CHN2: variants seen among roughly 807,000 people sequenced by gnomAD.
The protein encoded by CHN2 is beta-chimaerin.
Under a neutral mutation model 56.3 loss-of-function variants are expected in CHN2, and 35 were observed. The ratio of observed to expected loss-of-function variants is 0.62; its 90% CI spans 0.47 to 0.82. The LOEUF (loss-of-function observed/expected upper bound fraction) is 0.82, where lower values mean the gene tolerates loss of function less well. CHN2 is among the 40% of genes least tolerant of loss of function. The pLI is 0.00. For missense variants in CHN2, 491 were observed against 580.5 expected, an observed-to-expected ratio of 0.85 and a Z score of 1.58; for synonymous variants, 210 against 212.8, an observed-to-expected ratio of 0.99 and a Z score of 0.12.
At chr7:29,418,693 T>A (rs996014090) in intron 6 of CHN2, among the ~76,000 whole-genome samples, 1 of 152,154 alleles carries the variant, frequency 6.6e-6, no homozygotes, top group Non-Finnish European at 1.5e-5. Context: ...CTAAGCTCAC[T>A]AAGATTCATT....
At chr7:29,227,293 G>C (rs1786282538) in intron 1 of CHN2, among the ~76,000 whole-genome samples, 1 of 152,158 alleles carries the variant, frequency 6.6e-6, no homozygotes, top group Admixed American at 6.5e-5. Context: ...TTCTGACTTA[G>C]AGTCACTTTC....
At chr7:29,488,629 T>C (rs1788304966) in intron 7 of CHN2, among the ~76,000 whole-genome samples, 1 of 152,176 alleles carries the variant, frequency 6.6e-6, no homozygotes, top group Admixed American at 6.5e-5. Context: ...AATGACAAAT[T>C]GAGGCAATAA....
At chr7:29,316,180 C>A (rs1794943030) in intron 1 of CHN2, among the ~76,000 whole-genome samples, 1 of 152,180 alleles carries the variant, frequency 6.6e-6, no homozygotes, top group South Asian at 2.1e-4. Context: ...CTTAAAGACC[C>A]TTCAGGATCT....
intron 1 of CHN2, among the ~76,000 whole-genome samples, chr7:29,350,101 A>T (rs887187973): frequency 1.2e-4 from 19 of 152,050 alleles, no homozygotes; most frequent in Non-Finnish European, 1.5e-5. Context: ...TGTTTTCTTG[A>T]TTTCAATATA....
At chr7:29,239,956 T>A (rs1787523155) in intron 1 of CHN2, among the ~76,000 whole-genome samples, 1 of 152,198 alleles carries the variant, frequency 6.6e-6, no homozygotes, top group African/African-American at 2.4e-5. Flanking sequence ...CATAATCTGC[T>A]AATTTTTAGA....
intron 6 of CHN2, among the ~76,000 whole-genome samples, chr7:29,454,607 C>T (rs573330080): frequency 3.9e-5 from 6 of 152,308 alleles, no homozygotes; most frequent in African/African-American, 1.4e-4. Context: ...ACCCATGTGA[C>T]ATGCCCAGTG....
chr7:29,366,176 A>C (rs1799142264), intron 2 of CHN2, among the ~76,000 whole-genome samples: 1 of 152,168 alleles, frequency 6.6e-6, no homozygotes, highest in East Asian at 1.9e-4. Context: ...ATCTGTAGGA[A>C]GTAAGATATA....
At chr7:29,495,007 A>G (rs1238121072) in intron 7 of CHN2, among the ~76,000 whole-genome samples, 5 of 138,978 alleles carry the variant, frequency 3.6e-5, no homozygotes, top group Non-Finnish European at 6.2e-5. Flanking sequence ...TTGTTAATAG[A>G]GGTTTATGAC....
chr7:29,306,519 A>G (rs886642175), intron 1 of CHN2, among the ~76,000 whole-genome samples: 2 of 152,178 alleles, frequency 1.3e-5, no homozygotes, highest in Non-Finnish European at 2.9e-5. Flanking sequence ...GAAGATGAGT[A>G]TAAACTGAGA....
At chr7:29,389,141 T>C (rs1257855312) in intron 3 of CHN2, among the ~76,000 whole-genome samples, 1 of 152,084 alleles carries the variant, frequency 6.6e-6, no homozygotes, top group Non-Finnish European at 1.5e-5. Flanking sequence ...GTGTTGGGAA[T>C]GTCTCTTCTA....
At chr7:29,241,291 G>A (rs773082200) in intron 1 of CHN2, among the ~76,000 whole-genome samples, 1 of 152,142 alleles carries the variant, frequency 6.6e-6, no homozygotes, top group Non-Finnish European at 1.5e-5. Context: ...GTTTTATTGG[G>A]TGAAAAGGAA....
chr7:29,170,655 A>G (rs1489508396), intron 2 of CHN2, among the ~76,000 whole-genome samples: 7 of 152,224 alleles, frequency 4.6e-5, no homozygotes, highest in Non-Finnish European at 1.0e-4. Context: ...TTTCTGTAAT[A>G]TCTAATCTCA....
intron 1 of CHN2, among the ~76,000 whole-genome samples, chr7:29,250,041 CACA>C (rs1336205531): frequency 2.0e-5 from 3 of 152,152 alleles, no homozygotes; most frequent in Non-Finnish European, 4.4e-5. Flanking sequence ...CCATATTTAG[CACA>C]ACATGTGATT....
intron 1 of CHN2, among the ~76,000 whole-genome samples, chr7:29,272,967 A>C (rs1790787473): frequency 6.6e-6 from 1 of 151,970 alleles, no homozygotes; most frequent in South Asian, 2.1e-4. Context: ...GGCTTAAAAA[A>C]GAAAATTTAC....
At chr7:29,183,588 G>T (rs1798340321) in intron 2 of CHN2, among the ~76,000 whole-genome samples, 1 of 151,864 alleles carries the variant, frequency 6.6e-6, no homozygotes, top group Non-Finnish European at 1.5e-5. Context: ...TGTTGGCCAG[G>T]CTGGTCTCAA....
intron 5 of CHN2, among the ~76,000 whole-genome samples, chr7:29,398,712 A>C (rs1801965322): frequency 6.6e-6 from 1 of 150,816 alleles, no homozygotes; most frequent in Admixed American, 6.6e-5. Context: ...CTCCCACCTT[A>C]GCCTCCTGAG....
upstream of CHN2, among the ~76,000 whole-genome samples, chr7:29,191,207 T>C (rs1011043714): frequency 5.9e-5 from 9 of 152,174 alleles, no homozygotes; most frequent in African/African-American, 1.9e-4. Context: ...ACTGGGATTA[T>C]AGGCATGAGC....
chr7:29,404,008 C>A (rs1189237357), intron 6 of CHN2, among the ~76,000 whole-genome samples: 1 of 152,188 alleles, frequency 6.6e-6, no homozygotes, highest in African/African-American at 2.4e-5. Context: ...GGGCAGGAAT[C>A]ACCATCCCCA....
intron 1 of CHN2, among the ~76,000 whole-genome samples, chr7:29,204,097 G>A (rs1163813825): frequency 6.6e-6 from 1 of 151,454 alleles, no homozygotes; most frequent in Non-Finnish European, 1.5e-5. Flanking sequence ...GTGTGTGTGT[G>A]TGTGTGTGTG....
Sources: gnomAD v4.1 joint callset for allele counts (sites outside exome capture counted in the v4.1 genomes callset) on GRCh38, gnomAD v4.1.1 for gene constraint, MANE v1.5 for transcripts, NCBI Gene and HGNC (gene_info 2026-07-23, HGNC 2026-07-21) for gene names.